CENPP: variants seen among roughly 807,000 people sequenced by gnomAD.
The protein encoded by CENPP is centromere protein P.
In CENPP, 24 loss-of-function variants were observed where a neutral mutation model predicts 35.6. That is an observed-to-expected ratio of 0.67 (90% CI 0.49 to 0.95). CENPP has a LOEUF of 0.95. CENPP is among the 40% of genes least tolerant of loss of function. CENPP has a pLI of 0.00. For synonymous variants in CENPP, 120 were observed against 125.5 expected (o/e 0.96, Z 0.29); for missense variants, 332 against 345.3 (o/e 0.96, Z 0.31).
At chr9:92,393,109 G>GTC in intron 5 of CENPP, 1 of 1,613,618 alleles carries the variant, frequency 6.2e-7, no homozygotes, top group Non-Finnish European at 8.5e-7. Context: ...ATCTTTGGCA[G>GTC]TCAGCTTTTT....
At chr9:92,455,148 A>G (rs897052027) in intron 5 of CENPP, among the ~76,000 whole-genome samples, 1 of 152,146 alleles carries the variant, frequency 6.6e-6, no homozygotes, top group Non-Finnish European at 1.5e-5. Flanking sequence ...TGTAATCCTA[A>G]CACTTTAGGA....
At chr9:92,487,575 A>G (rs1221605322) in intron 5 of CENPP, among the ~76,000 whole-genome samples, 1 of 152,230 alleles carries the variant, frequency 6.6e-6, no homozygotes, top group Non-Finnish European at 1.5e-5. Context: ...GAAACCTCCA[A>G]TATAATAATT....
At chr9:92,546,502 A>C (rs1353418334) in intron 5 of CENPP, among the ~76,000 whole-genome samples, 1 of 151,958 alleles carries the variant, frequency 6.6e-6, no homozygotes, top group South Asian at 2.1e-4. Context: ...AGAAAAGAAC[A>C]ACTCCAGACG....
At chr9:92,523,851 G>A (rs1378902476) in intron 5 of CENPP, among the ~76,000 whole-genome samples, 3 of 152,196 alleles carry the variant, frequency 2.0e-5, no homozygotes, top group South Asian at 4.1e-4. Context: ...ACATAACGGC[G>A]ATAAGAAGGC....
intron 5 of CENPP, among the ~76,000 whole-genome samples, chr9:92,549,962 T>C (rs1019735725): frequency 3.9e-5 from 6 of 152,172 alleles, no homozygotes; most frequent in Non-Finnish European, 8.8e-5. Context: ...ACCAAGCCAC[T>C]AGAGTCTGGA....
chr9:92,565,199 G>A (rs1433404777), intron 5 of CENPP, among the ~76,000 whole-genome samples: 3 of 147,628 alleles, frequency 2.0e-5, no homozygotes, highest in Non-Finnish European at 4.4e-5. Flanking sequence ...CTACAGTAGG[G>A]GTGTCCAGTG....
intron 5 of CENPP, among the ~76,000 whole-genome samples, chr9:92,574,519 C>T (rs1463829986): frequency 1.3e-5 from 2 of 151,998 alleles, no homozygotes; most frequent in Non-Finnish European, 2.9e-5. Context: ...AGGAATTAAC[C>T]AAGAAGGTGA....
intron 4 of CENPP, among the ~76,000 whole-genome samples, chr9:92,359,427 A>C (rs1244337614): frequency 6.6e-6 from 1 of 152,036 alleles, no homozygotes; most frequent in Non-Finnish European, 1.5e-5. Flanking sequence ...TTTGTAGGCC[A>C]TCTCTGTGCC....
At chr9:92,514,933 T>G (rs1487275827) in intron 5 of CENPP, 1 of 1,613,956 alleles carries the variant, frequency 6.2e-7, no homozygotes, top group East Asian at 2.2e-5. Context: ...AGGCCTCTGC[T>G]TTCTGTCTCC....
intron 5 of CENPP, among the ~76,000 whole-genome samples, chr9:92,407,595 A>C (rs927116189): frequency 6.6e-6 from 1 of 152,180 alleles, no homozygotes; most frequent in African/African-American, 2.4e-5. Context: ...CCAAAGATGA[A>C]AGAGTCTTCT....
At chr9:92,387,588 T>A (rs917545381) in intron 5 of CENPP, among the ~76,000 whole-genome samples, 5 of 152,080 alleles carry the variant, frequency 3.3e-5, no homozygotes, top group African/African-American at 1.2e-4. Flanking sequence ...TGCTAATTCT[T>A]TTCTGTGTTG....
intron 5 of CENPP, among the ~76,000 whole-genome samples, chr9:92,538,337 T>C (rs192480822): frequency 2.0e-5 from 3 of 152,326 alleles, no homozygotes; most frequent in African/African-American, 7.2e-5. Context: ...TTACCTTCTT[T>C]TGATGTATGT....
chr9:92,463,120 G>A (rs527574701), intron 5 of CENPP, among the ~76,000 whole-genome samples: 1 of 152,306 alleles, frequency 6.6e-6, no homozygotes, highest in South Asian at 2.1e-4. Context: ...CGGAATTTCT[G>A]TTCCCACCCT....
chr9:92,507,553 T>A (rs1403757479), intron 5 of CENPP, among the ~76,000 whole-genome samples: 2 of 152,182 alleles, frequency 1.3e-5, no homozygotes, highest in South Asian at 2.1e-4. Context: ...GAGGTGGATG[T>A]TGAAAGGATT....
At chr9:92,552,540 G>A (rs556716054) in intron 5 of CENPP, among the ~76,000 whole-genome samples, 45 of 152,174 alleles carry the variant, frequency 3.0e-4, no homozygotes, top group South Asian at 8.3e-4. Flanking sequence ...GGCCATTCTT[G>A]TAGGAGTAAG....
At chr9:92,354,708 C>T (rs912762002) in intron 4 of CENPP, among the ~76,000 whole-genome samples, 1 of 152,172 alleles carries the variant, frequency 6.6e-6, no homozygotes, top group Non-Finnish European at 1.5e-5. Context: ...TTTAAAAGAC[C>T]TGTGTTTCTT....
intron 5 of CENPP, among the ~76,000 whole-genome samples, chr9:92,496,790 A>G (rs1215674402): frequency 3.9e-5 from 6 of 152,186 alleles, no homozygotes; most frequent in African/African-American, 1.4e-4. Flanking sequence ...AAAGTTAAAC[A>G]ACATGACAAA....
At chr9:92,381,802 G>A (rs995699178) in intron 5 of CENPP, among the ~76,000 whole-genome samples, 10 of 151,990 alleles carry the variant, frequency 6.6e-5, no homozygotes, top group African/African-American at 1.9e-4. Context: ...TTGAAGAACC[G>A]CATACTCTTT....
Position 92,615,781 on chromosome 9 carries a change from C to A in CENPP, c.*2632C>A. 7.1e-7 allele frequency: 1 copy of A among 1,408,000 alleles called. No homozygotes were observed. The highest frequency in any genetic ancestry group is 1.0e-6 in the Non-Finnish European group (1 of 996,250). The allele number at this position is 1,408,000 out of a possible 1,614,324, so 87.2% of individuals were successfully genotyped here. A position where few individuals can be genotyped will look rare whatever the true frequency, so the allele number is the denominator to read the frequency against. ...CCAACACAACAGAAAATATCTCTAT[C>A]ATTCAGCCTTCACATTATGTTCAAG... On this transcript the variant is annotated 3_prime_UTR_variant, in exon 8 of 8. Transcript: ENST00000375587.
Sources: allele counts gnomAD v4.1 joint callset (sites outside exome capture counted in the v4.1 genomes callset), GRCh38; gene constraint gnomAD v4.1.1; transcripts MANE v1.5; gene names NCBI Gene and HGNC (gene_info 2026-07-23, HGNC 2026-07-21).